Variants in TACC2 observed in about 807,000 individuals in gnomAD.
The protein encoded by TACC2 is transforming acidic coiled-coil containing protein 2, also known as transforming acidic coiled-coil-containing protein 2.
Under a neutral mutation model 227.3 loss-of-function variants are expected in TACC2, and 137 were observed. The observed-to-expected ratio is 0.60, with a 90% CI of 0.52 to 0.69. The LOEUF is 0.69. TACC2 is among the 30% of genes least tolerant of loss of function. TACC2 has a pLI of 0.00. For synonymous variants in TACC2, 1,523 were observed against 1,487.5 expected, an observed-to-expected ratio of 1.02 and a Z score of -0.55; for missense variants, 3,470 against 3,694.4, an observed-to-expected ratio of 0.94 and a Z score of 1.57.
chr10:122,244,011 A>G (rs2096060416), intron 19 of TACC2, among the ~76,000 whole-genome samples: 2 of 152,244 alleles, frequency 1.3e-5, no homozygotes, highest in African/African-American at 4.8e-5. Flanking sequence ...TTGTCATGAC[A>G]GAAAGATTAC....
intron 5 of TACC2, among the ~76,000 whole-genome samples, chr10:122,093,855 C>T (rs536967047): frequency 4.1e-4 from 62 of 152,248 alleles, no homozygotes; most frequent in Admixed American, 7.8e-4. Context: ...TGTATTTCTT[C>T]GAAACCATCC....
At position 122,194,956 on chromosome 10, in the gene TACC2, T is replaced by C; in HGVS notation, c.5835-84T>C. 1 of 1,434,580 alleles carries C rather than the reference T, an allele frequency of 7.0e-7. No homozygotes were observed. The highest frequency in any genetic ancestry group is 1.3e-5 in the South Asian group (1 of 76,038). 88.9% of individuals were successfully genotyped at this position (1,434,580 alleles called of 1,614,324 possible). A position where few individuals can be genotyped will look rare whatever the true frequency, so the allele number is the denominator to read the frequency against. ...AACTGAGCAGCGAGCCAGAACCCAC[T>C]GGCTCTGGGTGCGAAGGCCACACCG... On this transcript the variant is annotated intron_variant, in intron 7 of 22. Transcript: ENST00000369005. The surrounding 1 kb of genome is among the most constrained non-coding windows in gnomAD (Gnocchi z 4.4).
intron 5 of TACC2, among the ~76,000 whole-genome samples, chr10:122,111,481 C>CAGTT (rs10651432): frequency 0.83 from 126,458 of 151,924 alleles, 53,699 homozygotes; most frequent in East Asian, 0.98. Flanking sequence ...ATATGACCCA[C>CAGTT]AGGGCACAAG....
chr10:122,238,607 G>T (rs2095909989), intron 18 of TACC2, among the ~76,000 whole-genome samples: 1 of 152,092 alleles, frequency 6.6e-6, no homozygotes, highest in South Asian at 2.1e-4. Context: ...CTGCCACCAT[G>T]GCTGGCTAAT....
chr10:121,997,852 C>T (rs542419641), intron 1 of TACC2, among the ~76,000 whole-genome samples: 3 of 152,078 alleles, frequency 2.0e-5, no homozygotes, highest in African/African-American at 4.8e-5. Flanking sequence ...CACTCTGATG[C>T]GATCCCGATC....
intron 7 of TACC2, among the ~76,000 whole-genome samples, chr10:122,160,145 A>C (rs76061695): frequency 0.018 from 2,670 of 152,356 alleles, 38 homozygotes; most frequent in Non-Finnish European, 0.027. Flanking sequence ...TAATAGGTGC[A>C]TTAATAAACG....
rs2075538374 is a variant in TACC2 at position 122,050,375 on chromosome 10, G to C, written c.34-63G>C. 5 of 1,336,490 alleles carry C rather than the reference G, an allele frequency of 3.7e-6. No homozygotes were observed. Among genetic ancestry groups the C allele is most frequent in the Admixed American group, 3.7e-5 (2 of 53,688 alleles). The allele number at this position is 1,336,490 out of a possible 1,614,324, so 82.8% of individuals were successfully genotyped here. On this transcript the variant is annotated intron_variant, in intron 2 of 22. Coordinates refer to ENST00000369005, the MANE Select transcript of TACC2 (RefSeq NM_206862.4). The surrounding 1 kb of genome is among the most constrained non-coding windows in gnomAD (Gnocchi z 4.6). ...TGTGGTGGGTGCCCTGTTGATAAATGTTTTTGTGTTTTCAGAGACTCCTAT... is the reference window on the plus strand; with the variant it reads ...TGTGGTGGGTGCCCTGTTGATAAATCTTTTTGTGTTTTCAGAGACTCCTAT...
At chr10:122,151,979 G>A (rs1161131228) in intron 7 of TACC2, among the ~76,000 whole-genome samples, 1 of 152,194 alleles carries the variant, frequency 6.6e-6, no homozygotes, top group Non-Finnish European at 1.5e-5. Flanking sequence ...GGCTCGCTGG[G>A]AGAAGTTGCC....
intron 2 of TACC2, among the ~76,000 whole-genome samples, chr10:122,024,283 T>C (rs1338965173): frequency 1.3e-5 from 2 of 152,124 alleles, no homozygotes; most frequent in Non-Finnish European, 2.9e-5. Flanking sequence ...GGAGGATTGC[T>C]TAAGCCTGGG....
intron 7 of TACC2, among the ~76,000 whole-genome samples, chr10:122,186,888 G>A (rs1023542476): frequency 2.0e-5 from 3 of 152,188 alleles, no homozygotes; most frequent in Non-Finnish European, 4.4e-5. Context: ...AGATCTGTGT[G>A]CGAAGGCAAG....
chr10:122,069,475 C>G (rs2077784344), intron 3 of TACC2, among the ~76,000 whole-genome samples: 2 of 152,104 alleles, frequency 1.3e-5, no homozygotes, highest in African/African-American at 2.4e-5. Flanking sequence ...ATCTCCTGAC[C>G]TCATGATCCA....
chr10:122,243,791 A>G (rs887129338), intron 19 of TACC2, among the ~76,000 whole-genome samples: 5 of 152,186 alleles, frequency 3.3e-5, no homozygotes, highest in African/African-American at 1.2e-4. Context: ...ATCCTGCTCC[A>G]TCTCAGAGCC....
At chr10:122,196,025 C>T (rs1287353955) in intron 8 of TACC2, among the ~76,000 whole-genome samples, 2 of 152,194 alleles carry the variant, frequency 1.3e-5, no homozygotes, top group Non-Finnish European at 2.9e-5. Context: ...ACGCTGGATA[C>T]CTGGGAGCGG....
At chr10:122,048,607 C>T (rs2075329150) in intron 2 of TACC2, among the ~76,000 whole-genome samples, 1 of 152,038 alleles carries the variant, frequency 6.6e-6, no homozygotes, top group Non-Finnish European at 1.5e-5. Flanking sequence ...GTCTTCCCAC[C>T]TCGCCTTCCC....
rs540172367 is a variant in TACC2 at position 122,228,307 on chromosome 10, G to A, written c.7896+299G>A. The stretch of plus-strand genomic sequence containing the variant: ...ACTAGACTGTTGCTTTAGGGCAGTC[G>A]TTAAGCAGTCCTCTGCCGCTTCGTC... On this transcript the variant is annotated intron_variant, in intron 14 of 22. Transcript: ENST00000369005. Among the ~76,000 whole-genome samples the A allele has an allele frequency of 5.3e-5, 8 of 152,304 alleles. No individual in the cohort carries two copies. The South Asian group carries it at 6.2e-4, about 12-fold the overall frequency.
At chr10:122,001,299 C>A (rs1002533265) in intron 1 of TACC2, among the ~76,000 whole-genome samples, 2 of 152,214 alleles carry the variant, frequency 1.3e-5, no homozygotes, top group Non-Finnish European at 2.9e-5. Context: ...GCCTCACAAT[C>A]ATGGCAGAAG....
chr10:122,240,757 G>A (rs562489673), intron 18 of TACC2, among the ~76,000 whole-genome samples: 2 of 152,306 alleles, frequency 1.3e-5, no homozygotes, highest in South Asian at 2.1e-4. Context: ...ATTGGATAAT[G>A]TAGGTGAACC....
chr10:122,143,522 C>T, intron 6 of TACC2, 50 bp from the exon 7 acceptor site: 1 of 1,588,316 alleles, frequency 6.3e-7, no homozygotes, highest in Non-Finnish European at 8.6e-7. Context: ...ATGAATGTGC[C>T]ATTAATGAGC....
At chr10:122,242,578 T>G (rs1294961862) in intron 19 of TACC2, among the ~76,000 whole-genome samples, 1 of 152,116 alleles carries the variant, frequency 6.6e-6, no homozygotes, top group East Asian at 1.9e-4. Context: ...TACTGAGAAA[T>G]TTGCTTTGGC....
Sources: gnomAD v4.1 joint callset for allele counts (sites outside exome capture counted in the v4.1 genomes callset) on GRCh38, gnomAD v4.1.1 for gene constraint, Gnocchi (gnomAD v3.1) non-coding constraint, MANE v1.5 for transcripts, NCBI Gene and HGNC (gene_info 2026-07-23, HGNC 2026-07-21) for gene names.